The following ATF4 variants were observed in gnomAD, a reference collection of about 807,000 sequenced individuals.
The protein encoded by ATF4 is activating transcription factor 4.
ATF4 carries 8 observed loss-of-function variants against 21.0 expected under a neutral mutation model. That is an observed-to-expected ratio of 0.38 (90% CI 0.22 to 0.69). ATF4 has a LOEUF of 0.69. Among genes scored for constraint, ATF4 ranks in the 30% least tolerant of loss-of-function variants. The probability of loss-of-function intolerance (pLI) is 0.49; values close to 1 mark genes in which losing one functional copy is unlikely to be tolerated. For missense variants in ATF4, 549 were observed against 425.9 expected, an observed-to-expected ratio of 1.29 and a Z score of -2.54; for synonymous variants, 241 against 166.4, an observed-to-expected ratio of 1.45 and a Z score of -3.45.
In ATF4 at chr22:39,521,471, G is replaced by T; in HGVS notation, c.26G>T (p.Ser9Ile). The T allele has an allele frequency of 6.4e-7, 1 of 1,562,498 alleles. No individual in the cohort carries two copies. Among genetic ancestry groups the T allele is most frequent in the East Asian group, 2.3e-5 (1 of 44,130 alleles). ...ATGACCGAAATGAGCTTCCTGAGCA[G>T]CGAGGTGTTGGTGGGGGACTTGATG... MTEMSFLSSEVLVGDLMSP... is the reference protein window; with the variant it reads MTEMSFLSIEVLVGDLMSP... Residue 9 changes from serine (S) to isoleucine (I), a missense_variant, in exon 2 of 3, where the codon AGC becomes ATC. Transcript: ENST00000674920.
chr22:39,522,619 G>C lies in ATF4; in HGVS notation c.*17G>C. On this transcript the variant is annotated 3_prime_UTR_variant, in exon 3 of 3. Transcript: ENST00000674920. ...GTCCCCTAGTTGAGGATAGTCAGGA[G>C]CGTCAATGTGCTTGTACATAGAGTG... 1 of 1,517,134 alleles carries C rather than the reference G, an allele frequency of 6.6e-7. No individual in the cohort carries two copies. The highest frequency in any genetic ancestry group is 8.8e-7 in the Non-Finnish European group (1 of 1,134,956). 94.0% of individuals were successfully genotyped at this position (1,517,134 alleles called of 1,614,324 possible). A position where few individuals can be genotyped will look rare whatever the true frequency, so the allele number is the denominator to read the frequency against.
chr22:39,522,090 C>G lies in ATF4; in HGVS notation c.544C>G (p.Leu182Val), dbSNP rs201284334. 2.4e-5 allele frequency: 39 copies of G among 1,613,824 alleles called. No individual in the cohort carries two copies. In the South Asian group the frequency reaches 3.5e-4, roughly 15 times the overall value. The change falls in exon 3 of 3, where the codon CTG becomes GTG. Residue 182 changes from leucine to valine, a missense_variant. Leu to Val is a conservative substitution (Grantham distance 32). Coordinates refer to ENST00000674920, the MANE Select transcript of ATF4 (RefSeq NM_182810.3). ...TCCAGATCATTCCTTTAGTTTAGAGCTGGGCAGTGAAGTGGATATCACTGA... is the reference window on the plus strand; with the variant it reads ...TCCAGATCATTCCTTTAGTTTAGAGGTGGGCAGTGAAGTGGATATCACTGA... The part of the protein sequence containing the change: ...STPDHSFSLE[L>V]GSEVDITEGD...
intron 1 of ATF4, chr22:39,520,985 G>T (rs536676221): frequency 6.5e-6 from 1 of 153,680 alleles, no homozygotes; most frequent in African/African-American, 2.4e-5. Flanking sequence ...CTCGGACCCC[G>T]AGCCCCGCAA....
In ATF4 at chr22:39,521,421, C is replaced by G. The variant is rs374660871; in HGVS notation, c.-25C>G. The G allele has an allele frequency of 1.4e-3, 2,063 of 1,515,438 alleles. 7 individuals carry two copies. The highest frequency in any genetic ancestry group is 1.4e-3 in the Non-Finnish European group (1,558 of 1,130,740). The allele number at this position is 1,515,438 out of a possible 1,614,324, so 93.9% of individuals were successfully genotyped here. ...AGACACCTTCGAATTAAGCACATTC[C>G]TCGATTCCAGCAAAGCACCGCAACA... On this transcript the variant is annotated 5_prime_UTR_variant, in exon 2 of 3. Coordinates refer to ENST00000674920, the MANE Select transcript of ATF4 (RefSeq NM_182810.3).
chr22:39,521,510 A>T lies in ATF4; in HGVS notation c.65A>T (p.Gln22Leu), dbSNP rs4894. The T allele has an allele frequency of 6.2e-7, 1 of 1,602,954 alleles. No individual in the cohort carries two copies. Residue 22 changes from glutamine to leucine, a missense_variant, in exon 2 of 3, where the codon CAG (glutamine) becomes CTG (leucine). Coordinates refer to ENST00000674920, the MANE Select transcript of ATF4 (RefSeq NM_182810.3). ...LVGDLMSPFDQSGLGAEESLG... is the reference protein window; with the variant it reads ...LVGDLMSPFDLSGLGAEESLG... ...GGGGACTTGATGTCCCCCTTCGACC[A>T]GTCGGGTTTGGGGGCTGAAGAAAGC...
Position 39,521,780 on chromosome 22 carries a change from C to T in ATF4, c.234C>T (p.Ala78=), listed in dbSNP as rs1569025880. 2.5e-6 allele frequency: 4 copies of T among 1,613,670 alleles called. No homozygotes were observed. The highest frequency in any genetic ancestry group is 2.2e-5 in the East Asian group (1 of 44,898). The stretch of plus-strand genomic sequence containing the variant: ...CACTCAAATGTTTTGCAGAGGATGC[C>T]TTCTCCGGGACAGATTGGATGTTGG... The part of the protein sequence containing the change: ...VSPSNNSKED[A]FSGTDWMLEK... Residue 78 remains alanine (A), a synonymous_variant, in exon 3 of 3, where the codon GCC becomes GCT. Coordinates refer to ENST00000674920, the MANE Select transcript of ATF4 (RefSeq NM_182810.3).
In ATF4 at chr22:39,521,936, T is replaced by G. The variant is rs1413710595; in HGVS notation, c.390T>G (p.Thr130=). 6.2e-7 allele frequency: 1 copy of G among 1,613,028 alleles called. No individual in the cohort carries two copies. The highest frequency in any genetic ancestry group is 2.2e-5 in the East Asian group (1 of 44,780). The part of the protein sequence containing the change: ...CDLFAPLVQE[T]NKQPPQTVNP... ...TCTTTGCCCCCCTAGTCCAGGAGAC[T>G]AATAAGCAGCCCCCCCAGACGGTGA... Residue 130 remains threonine, a synonymous_variant, in exon 3 of 3, where the codon ACT becomes ACG. Transcript: ENST00000674920.
chr22:39,522,129 C>A lies in ATF4; in HGVS notation c.583C>A (p.Pro195Thr). The change falls in exon 3 of 3, where the codon CCA becomes ACA. Residue 195 changes from proline to threonine, a missense_variant. By Grantham distance (38) the Pro-to-Thr change is conservative (BLOSUM62 -1). Transcript: ENST00000674920. ...EVDITEGDRKPDYTAYVAMIP... is the reference protein window; with the variant it reads ...EVDITEGDRKTDYTAYVAMIP... ...GGATATCACTGAAGGAGATAGGAAGCCAGACTACACTGCTTACGTTGCCAT... is the reference window on the plus strand; with the variant it reads ...GGATATCACTGAAGGAGATAGGAAGACAGACTACACTGCTTACGTTGCCAT... 1 of 1,613,790 alleles carries A rather than the reference C, an allele frequency of 6.2e-7. No individual in the cohort carries two copies. The highest frequency in any genetic ancestry group is 8.5e-7 in the Non-Finnish European group (1 of 1,179,788).
Position 39,521,685 on chromosome 22 carries a change from C to T in ATF4, c.226+14C>T. On this transcript the variant is annotated intron_variant, in intron 2 of 2. Coordinates refer to ENST00000674920, the MANE Select transcript of ATF4 (RefSeq NM_182810.3). ...ACAACAGCAAGGGTGAGTGGGCCACCACCACATCGTCCTGGTGGGATCTAG... is the reference window on the plus strand; with the variant it reads ...ACAACAGCAAGGGTGAGTGGGCCACTACCACATCGTCCTGGTGGGATCTAG... 6.2e-7 allele frequency: 1 copy of T among 1,612,246 alleles called. No homozygotes were observed. Among genetic ancestry groups the T allele is most frequent in the Non-Finnish European group, 8.5e-7 (1 of 1,178,700 alleles).
rs188265360 is a variant in ATF4, at chr22:39,521,720, C to T, written c.226+49C>T. The T allele has an allele frequency of 1.3e-4, 216 of 1,608,902 alleles. 4 individuals carry two copies. In the East Asian group the frequency reaches 3.0e-3, roughly 22 times the overall value. On this transcript the variant is annotated intron_variant, in intron 2 of 2. Transcript: ENST00000674920. ...TCCTGGTGGGATCTAGGGTTAGGGG[C>T]CTCCTACCTTTGTATCTGACTCACT...
Position 39,522,142 on chromosome 22 carries a change from C to G in ATF4, c.596C>G (p.Ala199Gly). The G allele has an allele frequency of 6.2e-7, 1 of 1,613,740 alleles. No homozygotes were observed. Among genetic ancestry groups the G allele is most frequent in the Non-Finnish European group, 8.5e-7 (1 of 1,179,752 alleles). ...GGAGATAGGAAGCCAGACTACACTGCTTACGTTGCCATGATCCCTCAGTGC... is the reference window on the plus strand; with the variant it reads ...GGAGATAGGAAGCCAGACTACACTGGTTACGTTGCCATGATCCCTCAGTGC... Reference protein sequence around the residue: ...TEGDRKPDYTAYVAMIPQCIK... With the variant: ...TEGDRKPDYTGYVAMIPQCIK... The change falls in exon 3 of 3, where the codon GCT (alanine) becomes GGT (glycine). Residue 199 changes from alanine to glycine, a missense_variant. Transcript: ENST00000674920.
At position 39,522,648 on chromosome 22, in the gene ATF4, T is replaced by C. The variant is rs746955630; in HGVS notation, c.*46T>C. On this transcript the variant is annotated 3_prime_UTR_variant, in exon 3 of 3. Coordinates refer to ENST00000674920, the MANE Select transcript of ATF4 (RefSeq NM_182810.3). ...CAATGTGCTTGTACATAGAGTGCTG[T>C]AGCTGTGTGTTCCAATAAATTATTT... 2.8e-6 allele frequency: 4 copies of C among 1,428,032 alleles called. No homozygotes were observed. The highest frequency in any genetic ancestry group is 1.5e-5 in the South Asian group (1 of 66,920). 88.5% of individuals were successfully genotyped at this position (1,428,032 alleles called of 1,614,324 possible). A position where few individuals can be genotyped will look rare whatever the true frequency, so the allele number is the denominator to read the frequency against.
At position 39,521,850 on chromosome 22, in the gene ATF4, A is replaced by G. The variant is rs369760669; in HGVS notation, c.304A>G (p.Ile102Val). ...KEFDLDALLG[I>V]DDLETMPDDL... is the part of the protein sequence containing the mutation. ...GTTCGACTTGGATGCCCTGTTGGGT[A>G]TAGATGACCTGGAAACCATGCCAGA... The change falls in exon 3 of 3, where the codon ATA becomes GTA. Residue 102 changes from isoleucine to valine, a missense_variant. Transcript: ENST00000674920. 5.6e-6 allele frequency: 9 copies of G among 1,614,110 alleles called. No individual in the cohort carries two copies. Among genetic ancestry groups the G allele is most frequent in the South Asian group, 3.3e-5 (3 of 91,090 alleles).
In ATF4 at chr22:39,522,355, C is replaced by T. The variant is rs1931018369; in HGVS notation, c.809C>T (p.Ala270Val). ...PYDPPGEKMV[A>V]AKVKGEKLDK... ...GATCCTCCTGGAGAGAAGATGGTAG[C>T]AGCAAAAGTAAAGGGTGAGAAACTG... Residue 270 changes from alanine (A) to valine (V), a missense_variant, in exon 3 of 3, where the codon GCA becomes GTA. Physicochemically the swap from Ala to Val is moderately conservative, Grantham distance 64 (BLOSUM62 0). Transcript: ENST00000674920. 4 of 1,612,682 alleles carry T rather than the reference C, an allele frequency of 2.5e-6. No homozygotes were observed. Among genetic ancestry groups the T allele is most frequent in the East Asian group, 4.5e-5 (2 of 44,872 alleles).
At position 39,522,312 on chromosome 22, in the gene ATF4, G is replaced by T. The variant is rs140871401; in HGVS notation, c.766G>T (p.Ala256Ser). The T allele has an allele frequency of 3.1e-6, 5 of 1,612,392 alleles. No individual in the cohort carries two copies. The highest frequency in any genetic ancestry group is 1.3e-5 in the African/African-American group (1 of 74,788). ...LPSPGVLCGS[A>S]RPKPYDPPGE... Reference sequence around the variant, plus strand: ...ATCTCCAGGTGTTCTCTGTGGGTCTGCCCGTCCCAAACCTTACGATCCTCC... The same window carrying T: ...ATCTCCAGGTGTTCTCTGTGGGTCTTCCCGTCCCAAACCTTACGATCCTCC... Residue 256 changes from alanine (A) to serine (S), a missense_variant, in exon 3 of 3, where the codon GCC (alanine) becomes TCC (serine). Ala to Ser is a moderately conservative substitution (Grantham distance 99). Transcript: ENST00000674920.
rs779512289 is a variant in ATF4, at chr22:39,522,383, T to A, written c.837T>A (p.Asp279Glu). 1 of 1,612,024 alleles carries A rather than the reference T, an allele frequency of 6.2e-7. No individual in the cohort carries two copies. Reference protein sequence around the residue: ...VAAKVKGEKLDKKLKKMEQNK... With the variant: ...VAAKVKGEKLEKKLKKMEQNK... ...CAAAAGTAAAGGGTGAGAAACTGGA[T>A]AAGAAGCTGAAAAAAATGGAGCAAA... Residue 279 changes from aspartate (D) to glutamate (E), a missense_variant, in exon 3 of 3, where the codon GAT becomes GAA. By Grantham distance (45) the Asp-to-Glu change is conservative (BLOSUM62 2). Transcript: ENST00000674920.
rs139408953 is a variant in ATF4 at position 39,522,196 on chromosome 22, A to G, written c.650A>G (p.Asn217Ser). 4.7e-5 allele frequency: 76 copies of G among 1,611,216 alleles called. No homozygotes were observed. The African/African-American group carries it at 9.5e-4, about 20-fold the overall frequency. The change falls in exon 3 of 3, where the codon AAT becomes AGT. Residue 217 changes from asparagine to serine, a missense_variant. Transcript: ENST00000674920. Reference sequence around the variant, plus strand: ...AAGGAGGAAGACACCCCTTCAGATAATGATAGTGGCATCTGTATGAGCCCA... The same window carrying G: ...AAGGAGGAAGACACCCCTTCAGATAGTGATAGTGGCATCTGTATGAGCCCA... ...CIKEEDTPSDNDSGICMSPES... is the reference protein window; with the variant it reads ...CIKEEDTPSDSDSGICMSPES...
In ATF4 at chr22:39,521,600, A is replaced by G. The variant is rs1332752491; in HGVS notation, c.155A>G (p.Asp52Gly). 1.9e-6 allele frequency: 3 copies of G among 1,614,166 alleles called. No individual in the cohort carries two copies. The highest frequency in any genetic ancestry group is 1.7e-5 in the Admixed American group (1 of 60,026). ...KHFKPHGFSS[D>G]KAKAGSSEWL... Reference sequence around the variant, plus strand: ...TTCAAACCTCATGGGTTCTCCAGCGACAAGGCTAAGGCGGGCTCCTCCGAA... The same window carrying G: ...TTCAAACCTCATGGGTTCTCCAGCGGCAAGGCTAAGGCGGGCTCCTCCGAA... The change falls in exon 2 of 3, where the codon GAC (aspartate) becomes GGC (glycine). Residue 52 changes from aspartate to glycine, a missense_variant. Asp to Gly is a moderately conservative substitution (Grantham distance 94). Transcript: ENST00000674920.
In ATF4 at chr22:39,522,380, G is replaced by A. The variant is rs1295603689; in HGVS notation, c.834G>A (p.Leu278=). ...MVAAKVKGEK[L]DKKLKKMEQN... is the part of the protein sequence containing the mutation. ...CAGCAAAAGTAAAGGGTGAGAAACT[G>A]GATAAGAAGCTGAAAAAAATGGAGC... is the stretch of plus-strand genomic sequence containing the variant. The change falls in exon 3 of 3, where the codon CTG becomes CTA. Residue 278 remains leucine, a synonymous_variant. Transcript: ENST00000674920. 1 of 1,612,618 alleles carries A rather than the reference G, an allele frequency of 6.2e-7. No individual in the cohort carries two copies.
Sources: gnomAD v4.1 joint callset for allele counts on GRCh38, gnomAD v4.1.1 for gene constraint, MANE v1.5 for transcripts, NCBI Gene and HGNC (gene_info 2026-07-23, HGNC 2026-07-21) for gene names.